The following BCL2 variants were observed in gnomAD, a reference collection of about 807,000 sequenced individuals.
The protein encoded by BCL2 is apoptosis regulator Bcl-2.
BCL2 carries 1 observed loss-of-function variant against 14.2 expected under a neutral mutation model. The ratio of observed to expected loss-of-function variants is 0.07; its 90% confidence interval spans 0.02 to 0.33. The LOEUF is 0.33. Ranked by LOEUF, BCL2 falls within the 10% of genes least tolerant of loss-of-function variation. The pLI, the probability that BCL2 is intolerant of heterozygous loss-of-function variation, is 0.99. For missense variants in BCL2, 247 were observed against 305.9 expected, an observed-to-expected ratio of 0.81 and a Z score of 1.44; for synonymous variants, 151 against 137.2, an observed-to-expected ratio of 1.10 and a Z score of -0.70.
chr18:63,227,453 G>A (rs949693224), intron 2 of BCL2, among the ~76,000 whole-genome samples: 1 of 152,166 alleles, frequency 6.6e-6, no homozygotes, highest in African/African-American at 2.4e-5. Context: ...CAAGCAATCT[G>A]CCTGCCTCAG....
intron 2 of BCL2, among the ~76,000 whole-genome samples, chr18:63,237,346 T>C (rs1910870141): frequency 6.6e-6 from 1 of 152,162 alleles, no homozygotes; most frequent in Non-Finnish European, 1.5e-5. Flanking sequence ...TTCCTGGCTG[T>C]AGGAATTGTT....
At chr18:63,289,709 C>T (rs1912590308) in intron 2 of BCL2, among the ~76,000 whole-genome samples, 1 of 152,104 alleles carries the variant, frequency 6.6e-6, no homozygotes, top group South Asian at 2.1e-4. Context: ...GCCTGGCCAA[C>T]ATGGTGAAAC....
At chr18:63,137,241 CA>C (rs1914230348) in intron 2 of BCL2, among the ~76,000 whole-genome samples, 1 of 152,220 alleles carries the variant, frequency 6.6e-6, no homozygotes, top group Admixed American at 6.5e-5. Flanking sequence ...CAACTTTCTC[CA>C]AATCCCTAGG....
At chr18:63,211,061 TTC>T (rs2144673689) in intron 2 of BCL2, among the ~76,000 whole-genome samples, 2 of 129,490 alleles carry the variant, frequency 1.5e-5, no homozygotes, top group African/African-American at 6.0e-5. Flanking sequence ...TTCTTTTCAT[TTC>T]TTTTTTTTTT....
At chr18:63,307,466 T>C (rs1229877134) in intron 2 of BCL2, among the ~76,000 whole-genome samples, 1 of 152,218 alleles carries the variant, frequency 6.6e-6, no homozygotes, top group Non-Finnish European at 1.5e-5. Flanking sequence ...AAGCATGAAA[T>C]AGAAAACTAA....
intron 2 of BCL2, among the ~76,000 whole-genome samples, chr18:63,158,543 C>T (rs1228988391): frequency 6.6e-6 from 1 of 152,004 alleles, no homozygotes; most frequent in Admixed American, 6.6e-5. Context: ...CTCCAGAGGC[C>T]CCCCACGAAG....
chr18:63,168,690 T>C (rs952080030), intron 2 of BCL2, among the ~76,000 whole-genome samples: 3 of 152,240 alleles, frequency 2.0e-5, no homozygotes, highest in African/African-American at 7.2e-5. Context: ...GGGGGAAATG[T>C]GGACTGCTCC....
intron 2 of BCL2, among the ~76,000 whole-genome samples, chr18:63,192,044 A>G (rs976530228): frequency 6.6e-6 from 1 of 152,240 alleles, no homozygotes; most frequent in African/African-American, 2.4e-5. Context: ...GCTTGGGAGC[A>G]CTGTCGGGAC....
At chr18:63,198,699 TGACACACAGA>T (rs1453437067) in intron 2 of BCL2, among the ~76,000 whole-genome samples, 4 of 16,056 alleles carry the variant, frequency 2.5e-4, no homozygotes, top group Admixed American at 7.1e-4. Context: ...ACACACACAC[TGACACACAGA>T]GACACACACA....
At chr18:63,195,694 TA>T (rs1266804358) in intron 2 of BCL2, among the ~76,000 whole-genome samples, 1 of 152,216 alleles carries the variant, frequency 6.6e-6, no homozygotes, top group Non-Finnish European at 1.5e-5. Context: ...CTTTAGGATA[TA>T]ACATGTTGAT....
chr18:63,198,633 GACAC>G (rs1422992701), intron 2 of BCL2, among the ~76,000 whole-genome samples: 1 of 140,152 alleles, frequency 7.1e-6, no homozygotes, highest in Non-Finnish European at 1.5e-5. Context: ...CAGACACAGA[GACAC>G]ACACACAGAC....
intron 2 of BCL2, among the ~76,000 whole-genome samples, chr18:63,272,448 T>G (rs943121832): frequency 6.6e-6 from 1 of 152,218 alleles, no homozygotes; most frequent in Non-Finnish European, 1.5e-5. Context: ...TAGTGCATAA[T>G]GGTTGGATAA....
chr18:63,305,551 T>TA (rs2144293168), intron 2 of BCL2, among the ~76,000 whole-genome samples: 1 of 152,268 alleles, frequency 6.6e-6, no homozygotes, highest in South Asian at 2.1e-4. Flanking sequence ...GGCCAACAGA[T>TA]ATGGAATTTT....
chr18:63,268,662 A>T (rs1344791220), intron 2 of BCL2, among the ~76,000 whole-genome samples: 1 of 152,216 alleles, frequency 6.6e-6, no homozygotes, highest in Admixed American at 6.5e-5. Context: ...TTGCCATTAC[A>T]CACTTAAAGC....
At position 63,149,154 on chromosome 18, in the gene BCL2, C is replaced by T. The variant is rs1229010189; in HGVS notation, c.586-20395G>A. Among the ~76,000 whole-genome samples the T allele has an allele frequency of 1.3e-5, 2 of 152,212 alleles. No individual in the cohort carries two copies. The highest frequency in any genetic ancestry group is 2.9e-5 in the Non-Finnish European group (2 of 68,030). ...GCTCATTTATGTCAGCAGTCCACAACCTTTTTGGCACCAGGGACGTGTTTT... is the reference window on the plus strand; with the variant it reads ...GCTCATTTATGTCAGCAGTCCACAATCTTTTTGGCACCAGGGACGTGTTTT... On this transcript the variant is annotated intron_variant, in intron 2 of 2. Transcript: ENST00000333681. The surrounding 1 kb of genome is among the most constrained non-coding windows in gnomAD (Gnocchi z 4.2).
Position 63,244,380 on chromosome 18 carries a change from AAAC to A in BCL2, c.585+73699_585+73701del, listed in dbSNP as rs1240833118. Among the ~76,000 whole-genome samples the A allele has an allele frequency of 5.3e-5, 8 of 151,404 alleles. No homozygotes were observed. In the East Asian group the frequency reaches 7.8e-4, roughly 15 times the overall value. On this transcript the variant is annotated intron_variant, in intron 2 of 2. Coordinates refer to ENST00000333681, the MANE Select transcript of BCL2 (RefSeq NM_000633.3). Reference sequence around the variant, plus strand: ...GCGACAGAGCAAGACTCTGTCTCAAAAACAACAACAACAACAACAAATACAAAA... The same window carrying A: ...GCGACAGAGCAAGACTCTGTCTCAAAAACAACAACAACAACAAATACAAAA...
chr18:63,295,034 G>A (rs183330904), intron 2 of BCL2, among the ~76,000 whole-genome samples: 4 of 151,170 alleles, frequency 2.6e-5, no homozygotes, highest in East Asian at 3.9e-4. Context: ...GCATGGTGGC[G>A]AGTGCCTATA....
chr18:63,139,024 T>C (rs1914284747), intron 2 of BCL2, among the ~76,000 whole-genome samples: 1 of 147,120 alleles, frequency 6.8e-6, no homozygotes, highest in African/African-American at 2.4e-5. Flanking sequence ...CCCAACCACC[T>C]GCTAATGGAG....
chr18:63,310,454 G>A (rs1452434707), intron 2 of BCL2, among the ~76,000 whole-genome samples: 2 of 152,042 alleles, frequency 1.3e-5, no homozygotes, highest in East Asian at 1.9e-4. Context: ...CATTATCTCC[G>A]GCATGAAACT....
Sources: allele counts gnomAD v4.1 joint callset (sites outside exome capture counted in the v4.1 genomes callset), GRCh38; gene constraint gnomAD v4.1.1; non-coding constraint Gnocchi (gnomAD v3.1); transcripts MANE v1.5; gene names NCBI Gene and HGNC (gene_info 2026-07-23, HGNC 2026-07-21).